Variants in SUPT3H observed in about 807,000 individuals in gnomAD.
SUPT3H encodes transcription initiation protein SPT3 homolog.
In SUPT3H, 44 loss-of-function variants were observed where a neutral mutation model predicts 44.3. The observed-to-expected ratio is 0.99, with a 90% CI of 0.78 to 1.28. The LOEUF is 1.28. Among genes scored for constraint, SUPT3H ranks in the 50% most tolerant of loss-of-function variants. The probability of loss-of-function intolerance (pLI) is 0.00; values close to 1 mark genes in which losing one functional copy is unlikely to be tolerated. For synonymous variants in SUPT3H, 124 were observed against 125.6 expected (o/e 0.99, Z 0.09); for missense variants, 380 against 387.1 (o/e 0.98, Z 0.15).
At chr6:44,901,668 G>C (rs1329657464) in intron 10 of SUPT3H, among the ~76,000 whole-genome samples, 2 of 151,528 alleles carry the variant, frequency 1.3e-5, no homozygotes, top group Non-Finnish European at 2.9e-5. Context: ...AGGAAATACA[G>C]AGAACGCCAC....
At chr6:45,354,627 A>C (rs1792769774) in intron 2 of SUPT3H, among the ~76,000 whole-genome samples, 1 of 95,080 alleles carries the variant, frequency 1.1e-5, no homozygotes, top group Non-Finnish European at 2.3e-5. Flanking sequence ...ATGCACGCAC[A>C]CATACACACA....
intron 6 of SUPT3H, 152 bp downstream of exon 6, chr6:45,003,501 G>A: frequency 1.3e-6 from 1 of 765,096 alleles, no homozygotes; most frequent in Non-Finnish European, 1.9e-6. Context: ...TCCCACTTCA[G>A]GGGCTGATCC....
chr6:45,357,213 T>G (rs889649101), intron 2 of SUPT3H, among the ~76,000 whole-genome samples: 1 of 152,136 alleles, frequency 6.6e-6, no homozygotes, highest in African/African-American at 2.4e-5. Context: ...TTCACCATGT[T>G]AGCCAGGATG....
intron 2 of SUPT3H, among the ~76,000 whole-genome samples, chr6:45,128,151 G>A (rs1009216616): frequency 6.6e-6 from 1 of 151,940 alleles, no homozygotes; most frequent in Admixed American, 6.6e-5. Context: ...GAGAATCAAG[G>A]CAGTTTTCTT....
intron 2 of SUPT3H, among the ~76,000 whole-genome samples, chr6:45,228,681 CT>C (rs1258202114): frequency 6.6e-6 from 1 of 151,988 alleles, no homozygotes; most frequent in Non-Finnish European, 1.5e-5. Flanking sequence ...TGGAGTCTCA[CT>C]TTGTGGCTCA....
chr6:45,315,670 C>G (rs1469798961), intron 2 of SUPT3H, among the ~76,000 whole-genome samples: 1 of 152,148 alleles, frequency 6.6e-6, no homozygotes, highest in African/African-American at 2.4e-5. Context: ...CACTTCTACA[C>G]TGCTGGTAGG....
Position 44,887,796 on chromosome 6 carries a change from C to G in SUPT3H, c.912+44857G>C, listed in dbSNP as rs977129446. The stretch of plus-strand genomic sequence containing the variant: ...AGCAGAACTGAAGGAAATAGAGACA[C>G]AAAAAACCCTTCAAAAAATTAATGA... On this transcript the variant is annotated intron_variant, in intron 10 of 10. Coordinates refer to ENST00000371459, the MANE Select transcript of SUPT3H (RefSeq NM_003599.4). Among the ~76,000 whole-genome samples, 4 of 151,186 alleles carry G rather than the reference C, an allele frequency of 2.6e-5. No individual in the cohort carries two copies. In the East Asian group the frequency reaches 5.8e-4, roughly 22 times the overall value.
At chr6:45,227,897 A>C (rs970355954) in intron 2 of SUPT3H, among the ~76,000 whole-genome samples, 4 of 152,214 alleles carry the variant, frequency 2.6e-5, no homozygotes, top group Non-Finnish European at 4.4e-5. Flanking sequence ...AGAGTGAGGA[A>C]TATATTAAAA....
intron 2 of SUPT3H, among the ~76,000 whole-genome samples, chr6:45,181,866 TAATAATA>T (rs1485497771): frequency 2.1e-3 from 122 of 58,584 alleles, no homozygotes; most frequent in Non-Finnish European, 3.2e-3. Flanking sequence ...TAAAGTATAA[TAATAATA>T]AATAAATAAA....
chr6:45,210,018 T>C (rs148777353), intron 2 of SUPT3H, among the ~76,000 whole-genome samples: 1 of 152,296 alleles, frequency 6.6e-6, no homozygotes, highest in African/African-American at 2.4e-5. Flanking sequence ...AAAAAGACTA[T>C]GACACATTGA....
At chr6:45,369,252 T>A (rs991173800) in intron 1 of SUPT3H, among the ~76,000 whole-genome samples, 3 of 152,060 alleles carry the variant, frequency 2.0e-5, no homozygotes, top group Non-Finnish European at 4.4e-5. Context: ...TTTGAACCTT[T>A]ACCCCTACAG....
At chr6:45,086,053 T>G (rs1796433028) in intron 3 of SUPT3H, among the ~76,000 whole-genome samples, 1 of 152,112 alleles carries the variant, frequency 6.6e-6, no homozygotes, top group African/African-American at 2.4e-5. Flanking sequence ...GCAGGAGTTC[T>G]ATCAGAAATT....
intron 3 of SUPT3H, among the ~76,000 whole-genome samples, chr6:45,093,901 A>C (rs1797458747): frequency 6.6e-6 from 1 of 152,150 alleles, no homozygotes; most frequent in Non-Finnish European, 1.5e-5. Flanking sequence ...TTCTATGCAT[A>C]AAACAAATTA....
chr6:44,983,328 G>A (rs1183860972), intron 6 of SUPT3H, among the ~76,000 whole-genome samples: 1 of 152,050 alleles, frequency 6.6e-6, no homozygotes, highest in African/African-American at 2.4e-5. Flanking sequence ...AGGAGATAAA[G>A]TGAGCCTTCA....
At chr6:45,071,023 A>G (rs6902351) in intron 3 of SUPT3H, among the ~76,000 whole-genome samples, 1,701 of 152,254 alleles carry the variant, frequency 0.011, 45 homozygotes, top group African/African-American at 0.039. Flanking sequence ...AATATGATAA[A>G]AAGTAATCAA....
At chr6:44,910,363 A>G (rs990418976) in intron 10 of SUPT3H, among the ~76,000 whole-genome samples, 4 of 152,150 alleles carry the variant, frequency 2.6e-5, no homozygotes, top group African/African-American at 9.7e-5. Flanking sequence ...AAAATTGTTT[A>G]CTATATTCCT....
intron 2 of SUPT3H, among the ~76,000 whole-genome samples, chr6:45,261,519 T>C (rs1020427279): frequency 5.3e-5 from 8 of 151,054 alleles, no homozygotes; most frequent in African/African-American, 1.9e-4. Flanking sequence ...AGGCTGTCAA[T>C]AAAATTCAAC....
intron 10 of SUPT3H, among the ~76,000 whole-genome samples, chr6:44,867,458 T>A (rs997217735): frequency 4.6e-5 from 7 of 152,194 alleles, no homozygotes; most frequent in African/African-American, 1.7e-4. Flanking sequence ...CAATCTTCAA[T>A]TCAGAATGCT....
intron 2 of SUPT3H, among the ~76,000 whole-genome samples, chr6:45,301,360 T>G (rs1414070587): frequency 6.6e-6 from 1 of 152,246 alleles, no homozygotes; most frequent in Non-Finnish European, 1.5e-5. Flanking sequence ...CAGCTTTATA[T>G]AATTTCAACC....
Sources: gnomAD v4.1 joint callset for allele counts (sites outside exome capture counted in the v4.1 genomes callset) on GRCh38, gnomAD v4.1.1 for gene constraint, MANE v1.5 for transcripts, NCBI Gene and HGNC (gene_info 2026-07-23, HGNC 2026-07-21) for gene names.